Variants in NRXN1 observed in about 807,000 individuals in gnomAD.
The protein encoded by NRXN1 is neurexin-1.
NRXN1 carries 39 observed loss-of-function variants against 150.9 expected under a neutral mutation model. That is an observed-to-expected ratio of 0.26 (90% CI 0.20 to 0.34). The LOEUF is 0.34. NRXN1 is among the 10% of genes least tolerant of loss of function. NRXN1 has a pLI of 1.00. For synonymous variants in NRXN1, 924 were observed against 757.0 expected, an observed-to-expected ratio of 1.22 and a Z score of -3.62; for missense variants, 1,815 against 1,949.9, an observed-to-expected ratio of 0.93 and a Z score of 1.30.
chr2:50,937,834 G>C (rs1443456209), intron 2 of NRXN1, among the ~76,000 whole-genome samples: 1 of 152,092 alleles, frequency 6.6e-6, no homozygotes, highest in African/African-American at 2.4e-5. Context: ...CTCAGAAATG[G>C]GGATACGTTT....
At chr2:50,566,579 G>A (rs1205759199) in intron 8 of NRXN1, among the ~76,000 whole-genome samples, 1 of 151,984 alleles carries the variant, frequency 6.6e-6, no homozygotes, top group Non-Finnish European at 1.5e-5. Context: ...AATCATTACA[G>A]CACCCAACAG....
intron 5 of NRXN1, among the ~76,000 whole-genome samples, chr2:50,762,656 G>A (rs1210283557): frequency 6.6e-6 from 1 of 151,742 alleles, no homozygotes; most frequent in Non-Finnish European, 1.5e-5. Context: ...CAATGTTGCT[G>A]CAAAAAACAT....
intron 17 of NRXN1, among the ~76,000 whole-genome samples, chr2:50,325,611 C>A (rs768379297): frequency 2.6e-5 from 4 of 152,186 alleles, no homozygotes; most frequent in African/African-American, 4.8e-5. Flanking sequence ...AGTCTACTGT[C>A]TTATTCTCAT....
At chr2:51,009,116 A>G (rs1439410747) in intron 2 of NRXN1, 1 of 151,914 alleles carries the variant, frequency 6.6e-6, no homozygotes, top group Non-Finnish European at 1.5e-5. Context: ...CTTAACTCCA[A>G]TATTGCCCTA....
In NRXN1 at chr2:50,634,742, C is replaced by T. The variant is rs143858866; in HGVS notation, c.833-11127G>A. On this transcript the variant is annotated intron_variant, in intron 5 of 22. Coordinates refer to ENST00000401669, the MANE Select transcript of NRXN1 (RefSeq NM_001330078.2). The stretch of plus-strand genomic sequence containing the variant: ...ATGCCTCTAGGTGTCTTACCATCAC[C>T]GCCCCCTCAAGACCTGGCCCTTCCA... 6.4e-4 allele frequency among the ~76,000 whole-genome samples: 97 copies of T among 152,146 alleles called. 1 individual carries two copies. Among genetic ancestry groups the T allele is most frequent in the African/African-American group, 2.2e-3 (91 of 41,488 alleles).
chr2:50,857,814 A>C (rs1675486397), intron 5 of NRXN1, among the ~76,000 whole-genome samples: 2 of 129,812 alleles, frequency 1.5e-5, no homozygotes, highest in Admixed American at 7.6e-5. Flanking sequence ...TAATCAAAAT[A>C]GATTAAAAAA....
intron 5 of NRXN1, among the ~76,000 whole-genome samples, chr2:50,651,084 T>C (rs1469158257): frequency 6.6e-6 from 1 of 152,040 alleles, no homozygotes. Flanking sequence ...AAGAAACTAA[T>C]TGATATCCAT....
chr2:50,244,445 A>G (rs903368666), intron 17 of NRXN1, among the ~76,000 whole-genome samples: 1 of 151,876 alleles, frequency 6.6e-6, no homozygotes, highest in Admixed American at 6.6e-5. Flanking sequence ...ATTGATAGAG[A>G]TTGTGCTGAT....
chr2:50,861,338 A>G (rs1056816019), intron 5 of NRXN1, among the ~76,000 whole-genome samples: 1 of 152,034 alleles, frequency 6.6e-6, no homozygotes, highest in South Asian at 2.1e-4. Flanking sequence ...TCGGCCTTCC[A>G]AAGTATTGGG....
At chr2:50,528,925 A>G (rs1028449501) in intron 11 of NRXN1, 2 of 363,730 alleles carry the variant, frequency 5.5e-6, no homozygotes, top group African/African-American at 4.3e-5. Context: ...AATGTCAAAG[A>G]TGTTTGGCTT....
chr2:50,053,626 G>C, intron 20 of NRXN1, 36 bp from the exon 21 acceptor site: 1 of 1,595,814 alleles, frequency 6.3e-7, no homozygotes, highest in South Asian at 1.1e-5. Context: ...CAAAAATGTT[G>C]ATTGTGAACT....
chr2:50,707,072 A>C (rs1024046314), intron 5 of NRXN1, among the ~76,000 whole-genome samples: 4 of 152,120 alleles, frequency 2.6e-5, no homozygotes, highest in African/African-American at 9.7e-5. Context: ...CTGGTCATAC[A>C]TTTTCATTCA....
At chr2:50,910,690 A>G (rs978482965) in intron 5 of NRXN1, among the ~76,000 whole-genome samples, 2 of 152,012 alleles carry the variant, frequency 1.3e-5, no homozygotes, top group Admixed American at 6.6e-5. Flanking sequence ...ACTTTATAAT[A>G]GAGGTAAATA....
intron 8 of NRXN1, among the ~76,000 whole-genome samples, chr2:50,566,249 AT>A (rs1049802328): frequency 1.3e-5 from 2 of 150,718 alleles, no homozygotes; most frequent in East Asian, 2.0e-4. Context: ...TGGTATAATT[AT>A]TTTTTTTTAA....
chr2:50,692,011 T>C (rs1692156455), intron 5 of NRXN1, among the ~76,000 whole-genome samples: 1 of 152,196 alleles, frequency 6.6e-6, no homozygotes, highest in Non-Finnish European at 1.5e-5. Flanking sequence ...ATTCAGGCTG[T>C]CTTGGGGAGA....
chr2:50,312,724 A>G (rs1285242129), intron 17 of NRXN1: 1 of 516,210 alleles, frequency 1.9e-6, no homozygotes, highest in Admixed American at 2.0e-5. Flanking sequence ...CTTCTATCAG[A>G]TTTGTGTCAT....
intron 5 of NRXN1, among the ~76,000 whole-genome samples, chr2:50,665,511 G>A (rs1687901349): frequency 6.6e-6 from 1 of 151,560 alleles, no homozygotes. Context: ...CCCCTCAACT[G>A]ACCAAATAGG....
At chr2:50,092,385 T>C (rs557256928) in intron 18 of NRXN1, among the ~76,000 whole-genome samples, 6 of 152,368 alleles carry the variant, frequency 3.9e-5, no homozygotes, top group Admixed American at 1.3e-4. Context: ...TCAGTTGATT[T>C]CTAAAGCATG....
At chr2:50,298,026 A>C (rs115706949) in intron 17 of NRXN1, among the ~76,000 whole-genome samples, 1,973 of 152,174 alleles carry the variant, frequency 0.013, 18 homozygotes, top group Non-Finnish European at 0.017. Context: ...TCAATATTTT[A>C]GCTTTCCCTA....
Sources: gnomAD v4.1 joint callset for allele counts (sites outside exome capture counted in the v4.1 genomes callset) on GRCh38, gnomAD v4.1.1 for gene constraint, MANE v1.5 for transcripts, NCBI Gene and HGNC (gene_info 2026-07-23, HGNC 2026-07-21) for gene names.